The following CAMSAP2 variants were observed in gnomAD, a reference collection of about 807,000 sequenced individuals.
CAMSAP2 encodes calmodulin regulated spectrin associated protein family member 2, also known as calmodulin-regulated spectrin-associated protein 2.
In CAMSAP2, 26 loss-of-function variants were observed where a neutral mutation model predicts 146.1. The observed-to-expected ratio is 0.18, with a 90% CI of 0.13 to 0.25. CAMSAP2 has a LOEUF of 0.25. Among genes scored for constraint, CAMSAP2 ranks in the 10% least tolerant of loss-of-function variants. The pLI, the probability that CAMSAP2 is intolerant of heterozygous loss-of-function variation, is 1.00. For missense variants in CAMSAP2, 1,381 were observed against 1,759.3 expected, an observed-to-expected ratio of 0.78 and a Z score of 3.85; for synonymous variants, 499 against 596.6, an observed-to-expected ratio of 0.84 and a Z score of 2.38.
At chr1:200,777,572 T>C (rs1665316650) in intron 2 of CAMSAP2, among the ~76,000 whole-genome samples, 1 of 152,166 alleles carries the variant, frequency 6.6e-6, no homozygotes, top group African/African-American at 2.4e-5. Context: ...TTCTAACTTC[T>C]AGGAGTCATT....
Position 200,760,982 on chromosome 1 carries a change from A to G in CAMSAP2, c.283A>G (p.Lys95Glu). Residue 95 changes from lysine to glutamate, a missense_variant, in exon 2 of 17, where the codon AAA (lysine) becomes GAA (glutamate). Around this residue, in one of 4 missense-constraint regions of CAMSAP2, gnomAD observed 284 missense variants for 406.9 expected, o/e 0.70. Transcript: ENST00000358823. Reference sequence around the variant, plus strand: ...TCTCATTCTCAAGAGTGATGCTGCAAAACCCCTTTTGGGCCATGATGCTGT... The same window carrying G: ...TCTCATTCTCAAGAGTGATGCTGCAGAACCCCTTTTGGGCCATGATGCTGT... ...GSLILKSDAA[K>E]PLLGHDAVIQ... 2.5e-6 allele frequency: 4 copies of G among 1,614,148 alleles called. No individual in the cohort carries two copies. Among genetic ancestry groups the G allele is most frequent in the Non-Finnish European group, 3.4e-6 (4 of 1,180,036 alleles).
At chr1:200,750,724 A>G (rs1664478712) in intron 1 of CAMSAP2, among the ~76,000 whole-genome samples, 1 of 151,502 alleles carries the variant, frequency 6.6e-6, no homozygotes, top group Admixed American at 6.6e-5. Context: ...TCCCGGGTTC[A>G]AGTGATTCTC....
intron 7 of CAMSAP2, 100 bp downstream of exon 7, chr1:200,842,187 T>A: frequency 1.2e-6 from 1 of 850,058 alleles, no homozygotes; most frequent in Non-Finnish European, 1.9e-6. Flanking sequence ...AGCCTATTAT[T>A]TTTTTTTTAG....
intron 3 of CAMSAP2, among the ~76,000 whole-genome samples, chr1:200,814,138 A>AGGGGTGGGCGGGGGGGG (rs1666412480): frequency 2.5e-3 from 18 of 7,140 alleles, no homozygotes; most frequent in East Asian, 4.9e-3. Context: ...TGGCGGGGGG[A>AGGGGTGGGCGGGGGGGG]GGGGTGGGCG....
intron 4 of CAMSAP2, among the ~76,000 whole-genome samples, chr1:200,816,091 C>T (rs140618887): frequency 0.019 from 2,943 of 151,902 alleles, 113 homozygotes; most frequent in African/African-American, 0.064. Flanking sequence ...GTTAGGAGTT[C>T]AAGACCAGCC....
At position 200,739,652 on chromosome 1, in the gene CAMSAP2, G is replaced by GAGGCGGC. The variant is rs1013787564; in HGVS notation, c.-170_-164dup. 9 of 450,990 alleles carry GAGGCGGC rather than the reference G, an allele frequency of 2.0e-5. No individual in the cohort carries two copies. Among genetic ancestry groups the GAGGCGGC allele is most frequent in the African/African-American group, 1.5e-4 (7 of 48,206 alleles). 27.9% of individuals were successfully genotyped at this position (450,990 alleles called of 1,614,324 possible). A position where few individuals can be genotyped will look rare whatever the true frequency, so the allele number is the denominator to read the frequency against. ...GCGGCGGCGGCGGCGGCTCCCGCGG[G>GAGGCGGC]AGGCGGCAGGCGCGCGGCGCGGACA... is the stretch of plus-strand genomic sequence containing the variant. On this transcript the variant is annotated 5_prime_UTR_variant, in exon 1 of 17. An upstream open reading frame in the 5' UTR loses its in-frame stop. Coordinates refer to ENST00000358823, the MANE Select transcript of CAMSAP2 (RefSeq NM_203459.4). The surrounding 1 kb of genome is among the most constrained non-coding windows in gnomAD (Gnocchi z 4.8).
chr1:200,823,468 C>G (rs1426874038), intron 4 of CAMSAP2, among the ~76,000 whole-genome samples: 1 of 152,110 alleles, frequency 6.6e-6, no homozygotes, highest in African/African-American at 2.4e-5. Context: ...TATTTAGATT[C>G]TACTGGTTTT....
intron 1 of CAMSAP2, among the ~76,000 whole-genome samples, chr1:200,740,211 C>A (rs1664121494): frequency 6.6e-6 from 1 of 151,234 alleles, no homozygotes; most frequent in Non-Finnish European, 1.5e-5. Context: ...GCAAAATGTC[C>A]CCCCCATCCC....
At chr1:200,763,950 T>C (rs1325771103) in intron 2 of CAMSAP2, among the ~76,000 whole-genome samples, 5 of 151,566 alleles carry the variant, frequency 3.3e-5, no homozygotes, top group Non-Finnish European at 7.4e-5. Context: ...GGCAGGCACC[T>C]GTAACCCGAG....
chr1:200,827,876 G>T (rs1320220496), intron 4 of CAMSAP2, among the ~76,000 whole-genome samples: 2 of 151,882 alleles, frequency 1.3e-5, no homozygotes, highest in Non-Finnish European at 2.9e-5. Flanking sequence ...TGAAATTATG[G>T]GTTTATTATA....
At chr1:200,785,677 A>ACGGCACCCAGCCAATTTTGGTTAT (rs1244585619) in intron 2 of CAMSAP2, among the ~76,000 whole-genome samples, 2 of 149,754 alleles carry the variant, frequency 1.3e-5, no homozygotes, top group Non-Finnish European at 1.5e-5. Context: ...GGCGTGAGCC[A>ACGGCACCCAGCCAATTTTGGTTAT]TGTGCCTGGC....
chr1:200,761,026 G>A lies in CAMSAP2; in HGVS notation c.327G>A (p.Gln109=). Residue 109 remains glutamine, a synonymous_variant, in exon 2 of 17, where the codon CAG becomes CAA. Coordinates refer to ENST00000358823, the MANE Select transcript of CAMSAP2 (RefSeq NM_203459.4). The stretch of plus-strand genomic sequence containing the variant: ...ATGCTGTAATCCAGGCTTTAGCACA[G>A]AAAGGTCTTTATGTCACTGACCAGG... ...GHDAVIQALA[Q]KGLYVTDQEK... The A allele has an allele frequency of 1.9e-6, 3 of 1,614,106 alleles. No individual in the cohort carries two copies. Among genetic ancestry groups the A allele is most frequent in the Non-Finnish European group, 2.5e-6 (3 of 1,179,970 alleles).
chr1:200,823,518 A>G (rs1666827097), intron 4 of CAMSAP2, among the ~76,000 whole-genome samples: 1 of 152,174 alleles, frequency 6.6e-6, no homozygotes, highest in South Asian at 2.1e-4. Flanking sequence ...GGTGTTTTGT[A>G]GTGTTCTTCA....
intron 14 of CAMSAP2, among the ~76,000 whole-genome samples, chr1:200,855,601 A>G (rs1667727885): frequency 6.9e-6 from 1 of 144,164 alleles, no homozygotes; most frequent in Non-Finnish European, 1.5e-5. Context: ...TTTTATTATT[A>G]ATTTTTTTTT....
intron 4 of CAMSAP2, among the ~76,000 whole-genome samples, chr1:200,824,553 T>C (rs912573221): frequency 7.9e-5 from 12 of 152,184 alleles, no homozygotes; most frequent in African/African-American, 2.9e-4. Context: ...GCTTCCCCTA[T>C]TCCATGCAGG....
chr1:200,857,684 TA>T lies in CAMSAP2; in HGVS notation c.4132-67del. 1 of 1,295,150 alleles carries T rather than the reference TA, an allele frequency of 7.7e-7. No homozygotes were observed. Among genetic ancestry groups the T allele is most frequent in the Non-Finnish European group, 1.1e-6 (1 of 939,776 alleles). The allele number at this position is 1,295,150 out of a possible 1,614,324, so 80.2% of individuals were successfully genotyped here. On this transcript the variant is annotated intron_variant, in intron 16 of 16. Coordinates refer to ENST00000358823, the MANE Select transcript of CAMSAP2 (RefSeq NM_203459.4). This position sits in a 1 kb window ranked among gnomAD's most constrained non-coding sequence, Gnocchi z 4.7. ...GACTAAGAAACGTAACATAATTATATAAACTTTATTCAGCAAAATAAAGGGT... is the reference window on the plus strand; with the variant it reads ...GACTAAGAAACGTAACATAATTATATAACTTTATTCAGCAAAATAAAGGGT...
At chr1:200,757,631 A>T (rs1664687421) in intron 1 of CAMSAP2, among the ~76,000 whole-genome samples, 2 of 151,930 alleles carry the variant, frequency 1.3e-5, no homozygotes, top group Admixed American at 6.6e-5. Flanking sequence ...TCCAAACTTT[A>T]AAAAAAATAA....
chr1:200,828,297 A>T (rs544540417), intron 4 of CAMSAP2, among the ~76,000 whole-genome samples: 1 of 152,274 alleles, frequency 6.6e-6, no homozygotes, highest in South Asian at 2.1e-4. Flanking sequence ...CAGAAATAAA[A>T]TTTTTTGCTG....
chr1:200,841,176 C>T (rs1667314000), intron 6 of CAMSAP2, among the ~76,000 whole-genome samples: 1 of 152,094 alleles, frequency 6.6e-6, no homozygotes, highest in African/African-American at 2.4e-5. Context: ...TAAAAATTAG[C>T]TATAAAAATT....
Sources: gnomAD v4.1 joint callset for allele counts (sites outside exome capture counted in the v4.1 genomes callset) on GRCh38, gnomAD v4.1.1 for gene constraint, gnomAD v4.1.1 regional missense constraint, Gnocchi (gnomAD v3.1) non-coding constraint, MANE v1.5 for transcripts, NCBI Gene and HGNC (gene_info 2026-07-23, HGNC 2026-07-21) for gene names.